The following SPOCK1 variants were observed in gnomAD, a reference collection of about 807,000 sequenced individuals.
SPOCK1 encodes testican-1.
SPOCK1 carries 23 observed loss-of-function variants against 55.3 expected under a neutral mutation model. The observed-to-expected ratio is 0.42, with a 90% CI of 0.30 to 0.59. The LOEUF (loss-of-function observed/expected upper bound fraction) is 0.59, where lower values mean the gene tolerates loss of function less well. SPOCK1 is among the 20% of genes least tolerant of loss of function. The pLI, the probability that SPOCK1 is intolerant of heterozygous loss-of-function variation, is 0.22. For synonymous variants in SPOCK1, 226 were observed against 221.0 expected, an observed-to-expected ratio of 1.02 and a Z score of -0.20; for missense variants, 499 against 552.5, an observed-to-expected ratio of 0.90 and a Z score of 0.97.
chr5:137,265,022 C>A (rs542619788), intron 3 of SPOCK1, among the ~76,000 whole-genome samples: 2 of 152,218 alleles, frequency 1.3e-5, no homozygotes, highest in East Asian at 3.9e-4. Flanking sequence ...AGTTTTCAAG[C>A]CTGCAGAGCT....
chr5:137,162,785 G>A (rs1255063240), intron 3 of SPOCK1, among the ~76,000 whole-genome samples: 1 of 152,128 alleles, frequency 6.6e-6, no homozygotes, highest in Non-Finnish European at 1.5e-5. Flanking sequence ...TTTCTGTATG[G>A]GAGACAAGAA....
At chr5:136,994,036 G>C (rs565368182) in intron 6 of SPOCK1, among the ~76,000 whole-genome samples, 1 of 152,226 alleles carries the variant, frequency 6.6e-6, no homozygotes, top group Admixed American at 6.5e-5. Context: ...GCTTCCCAGA[G>C]CTCAGGCAGA....
intron 5 of SPOCK1, among the ~76,000 whole-genome samples, chr5:137,095,675 G>C (rs1479368407): frequency 6.6e-6 from 1 of 152,166 alleles, no homozygotes; most frequent in Non-Finnish European, 1.5e-5. Flanking sequence ...CAGCCAGGCT[G>C]GCAAGCAGCT....
At chr5:137,315,030 G>T (rs568144844) in intron 2 of SPOCK1, among the ~76,000 whole-genome samples, 1 of 152,228 alleles carries the variant, frequency 6.6e-6, no homozygotes, top group African/African-American at 2.4e-5. Flanking sequence ...ACCAAATCCT[G>T]TAGCTTCTCT....
chr5:137,066,432 C>A (rs1339354355), intron 6 of SPOCK1, among the ~76,000 whole-genome samples: 1 of 152,216 alleles, frequency 6.6e-6, no homozygotes, highest in Admixed American at 6.5e-5. Flanking sequence ...AGCCACCACA[C>A]CCGGCTGGCA....
intron 2 of SPOCK1, among the ~76,000 whole-genome samples, chr5:137,370,658 C>A (rs1751179042): frequency 6.6e-6 from 1 of 152,220 alleles, no homozygotes; most frequent in African/African-American, 2.4e-5. Context: ...GTGGTAAAGT[C>A]ACCAGCAAAT....
intron 3 of SPOCK1, among the ~76,000 whole-genome samples, chr5:137,201,037 G>A (rs1052358482): frequency 3.9e-5 from 6 of 152,112 alleles, no homozygotes; most frequent in African/African-American, 7.2e-5. Context: ...TGGTTTTCTT[G>A]GGGAAAGAAA....
chr5:137,224,126 A>G (rs1332534465), intron 3 of SPOCK1, among the ~76,000 whole-genome samples: 1 of 152,224 alleles, frequency 6.6e-6, no homozygotes, highest in African/African-American at 2.4e-5. Flanking sequence ...ATAGCTCAGC[A>G]CTGTTTGTTA....
intron 2 of SPOCK1, among the ~76,000 whole-genome samples, chr5:137,297,054 T>C (rs867672133): frequency 6.6e-6 from 1 of 152,244 alleles, no homozygotes; most frequent in Non-Finnish European, 1.5e-5. Context: ...GATACATATG[T>C]GTATATGTAT....
intron 3 of SPOCK1, among the ~76,000 whole-genome samples, chr5:137,164,130 A>C (rs574101082): frequency 6.6e-6 from 1 of 152,274 alleles, no homozygotes; most frequent in Non-Finnish European, 1.5e-5. Context: ...CACTAGATTA[A>C]ATTTTGTTAA....
chr5:137,185,782 A>G (rs1755057802), intron 3 of SPOCK1, among the ~76,000 whole-genome samples: 1 of 152,178 alleles, frequency 6.6e-6, no homozygotes, highest in Non-Finnish European at 1.5e-5. Context: ...AGGCCCCTGC[A>G]GGACCACAGA....
intron 2 of SPOCK1, among the ~76,000 whole-genome samples, chr5:137,398,237 G>A (rs1751898485): frequency 6.6e-6 from 1 of 152,098 alleles, no homozygotes; most frequent in South Asian, 2.1e-4. Flanking sequence ...GCAATGAGGT[G>A]GCACCATGAC....
intron 3 of SPOCK1, among the ~76,000 whole-genome samples, chr5:137,162,900 C>T (rs966798122): frequency 6.6e-6 from 1 of 152,148 alleles, no homozygotes; most frequent in Non-Finnish European, 1.5e-5. Flanking sequence ...TCCACATCAG[C>T]GTTGGAAGGG....
At chr5:137,160,530 AAAAATATATAATATATATAAT>A (rs1754509798) in intron 3 of SPOCK1, among the ~76,000 whole-genome samples, 1 of 60,654 alleles carries the variant, frequency 1.6e-5, no homozygotes, top group East Asian at 5.1e-4. Context: ...TATAATATAT[AAAAATATATAATATATATAAT>A]ATATATTATA....
intron 3 of SPOCK1, among the ~76,000 whole-genome samples, chr5:137,261,727 C>T (rs1756745390): frequency 6.6e-6 from 1 of 152,224 alleles, no homozygotes; most frequent in Non-Finnish European, 1.5e-5. Context: ...AAACCAATGT[C>T]TATACACTTT....
intron 2 of SPOCK1, among the ~76,000 whole-genome samples, chr5:137,359,379 T>C (rs902240560): frequency 2.0e-5 from 3 of 152,216 alleles, no homozygotes; most frequent in African/African-American, 4.8e-5. Flanking sequence ...CACCAAAATA[T>C]GTTTGATCCA....
At chr5:137,341,244 C>T (rs897729698) in intron 2 of SPOCK1, among the ~76,000 whole-genome samples, 1 of 152,256 alleles carries the variant, frequency 6.6e-6, no homozygotes, top group African/African-American at 2.4e-5. Flanking sequence ...TCTATCCTCT[C>T]CTAATGTGCA....
rs538686391 is a variant in SPOCK1 at position 137,251,818 on chromosome 5, T to C, written c.232+15192A>G. On this transcript the variant is annotated intron_variant, in intron 3 of 10. Coordinates refer to ENST00000394945, the MANE Select transcript of SPOCK1 (RefSeq NM_004598.4). ...CTCTCAGCCCATTCCTCAGAGATAA[T>C]ACATTACAATTTGGTACTGATTCAG... Among the ~76,000 whole-genome samples the C allele has an allele frequency of 5.3e-5, 8 of 152,320 alleles. No homozygotes were observed. The South Asian group carries it at 8.3e-4, about 16-fold the overall frequency.
intron 5 of SPOCK1, among the ~76,000 whole-genome samples, chr5:137,095,800 T>C (rs904101194): frequency 1.3e-5 from 2 of 152,222 alleles, no homozygotes; most frequent in African/African-American, 4.8e-5. Flanking sequence ...AAAGTAATAC[T>C]GTTCTGAGTG....
Sources: gnomAD v4.1 joint callset for allele counts (sites outside exome capture counted in the v4.1 genomes callset) on GRCh38, gnomAD v4.1.1 for gene constraint, MANE v1.5 for transcripts, NCBI Gene and HGNC (gene_info 2026-07-23, HGNC 2026-07-21) for gene names.